The following POMZP3 variants were observed in gnomAD, a reference collection of about 807,000 sequenced individuals.
The protein encoded by POMZP3 is POM121 and ZP3 fusion protein.
In POMZP3, 10 loss-of-function variants were observed where a neutral mutation model predicts 19.8. The observed-to-expected ratio is 0.51, with a 90% CI of 0.31 to 0.86. POMZP3 has a LOEUF of 0.86. Among genes scored for constraint, POMZP3 ranks in the 40% least tolerant of loss-of-function variants. The probability of loss-of-function intolerance (pLI) is 0.04; values close to 1 mark genes in which losing one functional copy is unlikely to be tolerated. For synonymous variants in POMZP3, 57 were observed against 85.8 expected (o/e 0.66, Z 1.85); for missense variants, 152 against 228.1 (o/e 0.67, Z 2.15).
At chr7:76,623,836 A>T (rs1354180255) in intron 3 of POMZP3, among the ~76,000 whole-genome samples, 1 of 152,004 alleles carries the variant, frequency 6.6e-6, no homozygotes, top group Non-Finnish European at 1.5e-5. Flanking sequence ...GAGAAAGAAA[A>T]GCAAAGCACG....
At position 76,627,004 on chromosome 7, in the gene POMZP3, A is replaced by G. The variant is rs1815944002; in HGVS notation, c.-448T>C. Reference sequence around the variant, plus strand: ...CGACTTGGCCGGAGGCGAAGCGAACAGTGTTCGCCGATGTCGCGCCTTCTG... The same window carrying G: ...CGACTTGGCCGGAGGCGAAGCGAACGGTGTTCGCCGATGTCGCGCCTTCTG... On this transcript the variant is annotated 5_prime_UTR_variant, in exon 1 of 7. Transcript: ENST00000310842. The G allele has an allele frequency of 7.4e-7, 1 of 1,352,256 alleles. No homozygotes were observed. The highest frequency in any genetic ancestry group is 1.6e-5 in the African/African-American group (1 of 64,320). The allele number at this position is 1,352,256 out of a possible 1,614,324, so 83.8% of individuals were successfully genotyped here.
At chr7:76,614,490 T>G (rs1815218407) in intron 4 of POMZP3, among the ~76,000 whole-genome samples, 1 of 69,462 alleles carries the variant, frequency 1.4e-5, no homozygotes, top group African/African-American at 7.0e-5. Flanking sequence ...ACCTGGGAGA[T>G]GGGAAGTTGC....
chr7:76,616,258 G>C (rs1184730287), intron 4 of POMZP3, among the ~76,000 whole-genome samples: 1 of 120,984 alleles, frequency 8.3e-6, no homozygotes, highest in African/African-American at 3.5e-5. Context: ...ATTCCAGCTT[G>C]GGTGACAGAG....
Position 76,627,226 on chromosome 7 carries a change from T to C in POMZP3, c.-670A>G, listed in dbSNP as rs1815958864. 3.5e-6 allele frequency: 5 copies of C among 1,413,688 alleles called. No individual in the cohort carries two copies. The highest frequency in any genetic ancestry group is 1.5e-5 in the African/African-American group (1 of 68,014). The allele number at this position is 1,413,688 out of a possible 1,614,324, so 87.6% of individuals were successfully genotyped here. On this transcript the variant is annotated 5_prime_UTR_variant, in exon 1 of 7. Transcript: ENST00000310842. ...CTATCGGCCGCCGCCGCTCGCCTGC[T>C]CCAGCCGCCGCAGCCGCCGGAGACA... is the stretch of plus-strand genomic sequence containing the variant.
At chr7:76,623,795 C>G (rs1348698366) in intron 3 of POMZP3, among the ~76,000 whole-genome samples, 1 of 151,752 alleles carries the variant, frequency 6.6e-6, no homozygotes, top group African/African-American at 2.4e-5. Flanking sequence ...GAGCGAGAAT[C>G]CGCCTCCAAA....
chr7:76,610,270 G>C, intron 6 of POMZP3, 55 bp from the exon 7 acceptor site: 1 of 1,612,730 alleles, frequency 6.2e-7, no homozygotes, highest in Non-Finnish European at 8.5e-7. Context: ...CCGGGAACTG[G>C]GTTGGAGGTT....
Position 76,627,099 on chromosome 7 carries a change from C to G in POMZP3, c.-543G>C, listed in dbSNP as rs546193736. ...GTCCCCACCAGGCCGCGGTAGTCCCCACGGCCAGCCAGGCCAGCGCAGCCG... is the reference window on the plus strand; with the variant it reads ...GTCCCCACCAGGCCGCGGTAGTCCCGACGGCCAGCCAGGCCAGCGCAGCCG... On this transcript the variant is annotated 5_prime_UTR_variant, in exon 1 of 7. Transcript: ENST00000310842. 7.3e-7 allele frequency: 1 copy of G among 1,366,560 alleles called. No homozygotes were observed. Among genetic ancestry groups the G allele is most frequent in the Non-Finnish European group, 9.6e-7 (1 of 1,038,716 alleles). 84.7% of individuals were successfully genotyped at this position (1,366,560 alleles called of 1,614,324 possible).
intron 3 of POMZP3, among the ~76,000 whole-genome samples, chr7:76,625,029 A>G (rs1196090854): frequency 1.2e-4 from 18 of 146,906 alleles, no homozygotes; most frequent in East Asian, 4.3e-4. Flanking sequence ...GCTACTCGGG[A>G]GGCTGAGGCA....
Position 76,626,091 on chromosome 7 carries a change from C to A in POMZP3, c.-27G>T, listed in dbSNP as rs1372348597. 6.2e-7 allele frequency: 1 copy of A among 1,613,814 alleles called. No homozygotes were observed. The highest frequency in any genetic ancestry group is 1.1e-5 in the South Asian group (1 of 91,066). On this transcript the variant is annotated 5_prime_UTR_variant, in exon 2 of 7. Coordinates refer to ENST00000310842, the MANE Select transcript of POMZP3 (RefSeq NM_012230.5). The stretch of plus-strand genomic sequence containing the variant: ...CTGGAGTTGCGAGGGGACAGCACAG[C>A]CTTCTTGTGATAACCATTCCAGCAC...
intron 3 of POMZP3, among the ~76,000 whole-genome samples, chr7:76,623,330 CCTGA>C (rs1657865076): frequency 6.6e-6 from 1 of 151,686 alleles, no homozygotes; most frequent in Admixed American, 6.6e-5. Context: ...ACTAGTGCCA[CCTGA>C]CTTTTAGCAA....
At chr7:76,611,247 G>T (rs1202817321) in intron 6 of POMZP3, among the ~76,000 whole-genome samples, 1 of 151,836 alleles carries the variant, frequency 6.6e-6, no homozygotes, top group Non-Finnish European at 1.5e-5. Flanking sequence ...GATGACAGCA[G>T]ATCTACCCTG....
chr7:76,610,489 T>C (rs1259185876), intron 6 of POMZP3, among the ~76,000 whole-genome samples: 2 of 151,708 alleles, frequency 1.3e-5, no homozygotes, highest in Admixed American at 6.6e-5. Context: ...CCGTCTCTAC[T>C]GAAAATAAAA....
rs1257593086 is a variant in POMZP3, at chr7:76,626,050, T to G, written c.15A>C (p.Pro5=). The part of the protein sequence containing the change: MVCS[P]VTLRIAPPDR... ...CAGGAGGGGCGATCCTCAGAGTCAC[T>G]GGGCTACACACCATCCTGGAGTTGC... The change falls in exon 2 of 7, where the codon CCA becomes CCC. Residue 5 remains proline, a synonymous_variant. Transcript: ENST00000310842. The G allele has an allele frequency of 6.2e-7, 1 of 1,613,786 alleles. No individual in the cohort carries two copies. The highest frequency in any genetic ancestry group is 1.1e-5 in the South Asian group (1 of 91,072).
rs1277586133 is a variant in POMZP3 at position 76,612,768 on chromosome 7, G to C, written c.346-955C>G. 3.8e-5 allele frequency among the ~76,000 whole-genome samples: 3 copies of C among 79,352 alleles called. 1 individual carries two copies. In the East Asian group the frequency reaches 9.8e-4, roughly 26 times the overall value. The allele number at this position is 79,352 out of a possible 152,430, so 52.1% of individuals were successfully genotyped here. A position where few individuals can be genotyped will look rare whatever the true frequency, so the allele number is the denominator to read the frequency against. On this transcript the variant is annotated intron_variant, in intron 4 of 6. Coordinates refer to ENST00000310842, the MANE Select transcript of POMZP3 (RefSeq NM_012230.5). ...GCTGCCACCTGCCACTTGACTAGTT[G>C]ACAAGCTACTTTTCTTCAGGGATGT...
intron 3 of POMZP3, among the ~76,000 whole-genome samples, chr7:76,619,589 CTT>C (rs374900039): frequency 3.8e-4 from 53 of 138,726 alleles, no homozygotes; most frequent in African/African-American, 5.3e-4. Flanking sequence ...GAGATGGTGT[CTT>C]TTTTTTTTTT....
intron 4 of POMZP3, among the ~76,000 whole-genome samples, chr7:76,612,942 A>C (rs1244184545): frequency 3.3e-5 from 2 of 59,742 alleles, no homozygotes; most frequent in Non-Finnish European, 6.1e-5. Context: ...TTTGAGGTGG[A>C]GTCTTGCTGT....
chr7:76,627,227 C>G lies in POMZP3; in HGVS notation c.-671G>C, dbSNP rs1166849237. ...TATCGGCCGCCGCCGCTCGCCTGCT[C>G]CAGCCGCCGCAGCCGCCGGAGACAT... On this transcript the variant is annotated 5_prime_UTR_variant, in exon 1 of 7. Coordinates refer to ENST00000310842, the MANE Select transcript of POMZP3 (RefSeq NM_012230.5). 2.8e-6 allele frequency: 4 copies of G among 1,413,398 alleles called. No individual in the cohort carries two copies. The highest frequency in any genetic ancestry group is 5.2e-5 in the Admixed American group (2 of 38,768). 87.6% of individuals were successfully genotyped at this position (1,413,398 alleles called of 1,614,324 possible). A position where few individuals can be genotyped will look rare whatever the true frequency, so the allele number is the denominator to read the frequency against.
At chr7:76,616,451 A>G (rs1250670576) in intron 4 of POMZP3, among the ~76,000 whole-genome samples, 1 of 100,954 alleles carries the variant, frequency 9.9e-6, no homozygotes, top group Non-Finnish European at 2.2e-5. Context: ...TATTTTTACA[A>G]CCTCTCCAGA....
At position 76,611,859 on chromosome 7, in the gene POMZP3, C is replaced by T. The variant is rs899476456; in HGVS notation, c.346-46G>A. On this transcript the variant is annotated intron_variant, in intron 4 of 6. Coordinates refer to ENST00000310842, the MANE Select transcript of POMZP3 (RefSeq NM_012230.5). Reference sequence around the variant, plus strand: ...TTCCAGGCCGAGTTCCAGGCTGTGCCTGGGAGTTTAACACACCAGTTCTCT... The same window carrying T: ...TTCCAGGCCGAGTTCCAGGCTGTGCTTGGGAGTTTAACACACCAGTTCTCT... The T allele has an allele frequency of 3.3e-6, 5 of 1,499,418 alleles. No homozygotes were observed. The African/African-American group carries it at 7.1e-5, about 21-fold the overall frequency. The allele number at this position is 1,499,418 out of a possible 1,614,324, so 92.9% of individuals were successfully genotyped here.
Sources: gnomAD v4.1 joint callset for allele counts (sites outside exome capture counted in the v4.1 genomes callset) on GRCh38, gnomAD v4.1.1 for gene constraint, MANE v1.5 for transcripts, NCBI Gene and HGNC (gene_info 2026-07-23, HGNC 2026-07-21) for gene names.